DPP10: variants seen among roughly 807,000 people sequenced by gnomAD.
DPP10 encodes the protein inactive dipeptidyl peptidase 10.
Under a neutral mutation model 120.9 loss-of-function variants are expected in DPP10, and 33 were observed. That is an observed-to-expected ratio of 0.27 (90% CI 0.21 to 0.37). The LOEUF (loss-of-function observed/expected upper bound fraction) is 0.37, where lower values mean the gene tolerates loss of function less well. Among genes scored for constraint, DPP10 ranks in the 10% least tolerant of loss-of-function variants. The probability of loss-of-function intolerance (pLI) is 1.00; values close to 1 mark genes in which losing one functional copy is unlikely to be tolerated. For synonymous variants in DPP10, 337 were observed against 326.1 expected (o/e 1.03, Z -0.36); for missense variants, 816 against 942.8 (o/e 0.87, Z 1.76).
chr2:115,372,539 C>T (rs1037273903), intron 3 of DPP10, among the ~76,000 whole-genome samples: 1 of 152,096 alleles, frequency 6.6e-6, no homozygotes, highest in Non-Finnish European at 1.5e-5. Context: ...AGATGAAAAA[C>T]GTAGCCAGTA....
rs565297937 is a variant in DPP10 at position 114,707,791 on chromosome 2, C to T, written c.60+264953C>T. On this transcript the variant is annotated intron_variant, in intron 1 of 25. Transcript: ENST00000410059. ...TAGAGCAATGGCCAGAGTAGTGGAG[C>T]GACAGATTCTACTTATATGTGATAA... 1.6e-4 allele frequency among the ~76,000 whole-genome samples: 24 copies of T among 152,206 alleles called. No homozygotes were observed. The East Asian group carries it at 2.7e-3, about 17-fold the overall frequency.
intron 1 of DPP10, among the ~76,000 whole-genome samples, chr2:114,862,238 C>G (rs1175205619): frequency 6.7e-6 from 1 of 150,156 alleles, no homozygotes; most frequent in Non-Finnish European, 1.5e-5. Context: ...AGATACAGTT[C>G]CATCTGGAAA....
chr2:115,607,388 T>C (rs1215388228), intron 5 of DPP10, among the ~76,000 whole-genome samples: 1 of 152,184 alleles, frequency 6.6e-6, no homozygotes, highest in Non-Finnish European at 1.5e-5. Flanking sequence ...AAAGCACACA[T>C]ATTTACACAG....
intron 13 of DPP10, among the ~76,000 whole-genome samples, chr2:115,776,168 A>G (rs933259444): frequency 6.6e-6 from 1 of 152,054 alleles, no homozygotes; most frequent in African/African-American, 2.4e-5. Context: ...TTGTTGTTTT[A>G]TACTTGAAGC....
intron 1 of DPP10, among the ~76,000 whole-genome samples, chr2:114,951,976 A>C (rs1305706195): frequency 1.3e-5 from 2 of 151,994 alleles, no homozygotes; most frequent in African/African-American, 4.8e-5. Context: ...AACATCAAAC[A>C]AATGTTTTGG....
At chr2:115,059,352 CTT>C (rs70941024) in intron 1 of DPP10, among the ~76,000 whole-genome samples, 1,899 of 135,714 alleles carry the variant, frequency 0.014, 23 homozygotes, top group African/African-American at 0.042. Context: ...GTAGGTATTT[CTT>C]TTTTTTTTTT....
intron 17 of DPP10, among the ~76,000 whole-genome samples, chr2:115,783,331 G>A (rs980455739): frequency 2.0e-5 from 3 of 151,772 alleles, no homozygotes; most frequent in Admixed American, 1.3e-4. Context: ...AGTCTGACTC[G>A]AGAATAGGTT....
At chr2:115,020,640 ACTATAGC>A (rs969177219) in intron 1 of DPP10, among the ~76,000 whole-genome samples, 1 of 152,128 alleles carries the variant, frequency 6.6e-6, no homozygotes. Flanking sequence ...ATGGACTTAA[ACTATAGC>A]CTACAACAAA....
At chr2:115,033,807 C>A (rs1704022776) in intron 1 of DPP10, among the ~76,000 whole-genome samples, 1 of 151,038 alleles carries the variant, frequency 6.6e-6, no homozygotes, top group Non-Finnish European at 1.5e-5. Flanking sequence ...CTGAAGGGAT[C>A]CTCCCACCTC....
chr2:115,048,064 T>A (rs1705197310), intron 1 of DPP10, among the ~76,000 whole-genome samples: 1 of 152,136 alleles, frequency 6.6e-6, no homozygotes, highest in Non-Finnish European at 1.5e-5. Flanking sequence ...TTGACCACAT[T>A]GTAAAGTCAT....
intron 7 of DPP10, among the ~76,000 whole-genome samples, chr2:115,707,341 C>T (rs184730286): frequency 2.0e-5 from 3 of 148,840 alleles, no homozygotes; most frequent in African/African-American, 4.9e-5. Flanking sequence ...AAACAAGTAT[C>T]AATAAATATA....
chr2:115,088,239 T>C (rs1238303258), intron 1 of DPP10, among the ~76,000 whole-genome samples: 1 of 152,118 alleles, frequency 6.6e-6, no homozygotes, highest in Non-Finnish European at 1.5e-5. Flanking sequence ...AATTTCCATA[T>C]ATAAATTGTT....
intron 1 of DPP10, among the ~76,000 whole-genome samples, chr2:114,874,649 C>T (rs1297020211): frequency 6.6e-6 from 1 of 151,908 alleles, no homozygotes; most frequent in Non-Finnish European, 1.5e-5. Context: ...GTATAAAGTG[C>T]ACAATAAATG....
chr2:115,027,256 A>C (rs1276080379), intron 1 of DPP10, among the ~76,000 whole-genome samples: 2 of 152,188 alleles, frequency 1.3e-5, no homozygotes, highest in Middle Eastern at 3.4e-3. Context: ...ATGTTTTCCA[A>C]ATATAAGATT....
intron 1 of DPP10, among the ~76,000 whole-genome samples, chr2:114,678,725 C>T (rs900520766): frequency 2.0e-5 from 3 of 151,858 alleles, no homozygotes; most frequent in African/African-American, 7.3e-5. Context: ...TTATTAAACG[C>T]CCAGGCAGAA....
intron 1 of DPP10, among the ~76,000 whole-genome samples, chr2:115,146,359 C>G (rs1190927830): frequency 6.6e-6 from 1 of 151,962 alleles, no homozygotes; most frequent in East Asian, 1.9e-4. Context: ...TAGGATTACT[C>G]GAAGTCCAAG....
intron 1 of DPP10, among the ~76,000 whole-genome samples, chr2:114,642,814 TG>T (rs1045758026): frequency 5.9e-5 from 9 of 151,966 alleles, no homozygotes; most frequent in African/African-American, 1.7e-4. Context: ...GGGATTAATA[TG>T]TGCAGAACTT....
intron 1 of DPP10, among the ~76,000 whole-genome samples, chr2:115,251,149 CTT>C (rs979812426): frequency 1.3e-5 from 2 of 152,296 alleles, no homozygotes; most frequent in African/African-American, 4.8e-5. Context: ...AATTTGCTAT[CTT>C]TATCTTGATT....
intron 3 of DPP10, among the ~76,000 whole-genome samples, chr2:115,421,869 CAAAAAAAAAAAAA>C (rs10610510): frequency 1.1e-4 from 5 of 46,908 alleles, no homozygotes; most frequent in Non-Finnish European, 1.0e-4. Context: ...GACTCCATCT[CAAAAAAAAAAAAA>C]AAAAAAAAAA....
Sources: allele counts gnomAD v4.1 joint callset (sites outside exome capture counted in the v4.1 genomes callset), GRCh38; gene constraint gnomAD v4.1.1; transcripts MANE v1.5; gene names NCBI Gene and HGNC (gene_info 2026-07-23, HGNC 2026-07-21).